CSMD1: variants seen among roughly 807,000 people sequenced by gnomAD.
CSMD1 encodes the protein CUB and sushi domain-containing protein 1.
CSMD1 carries 213 observed loss-of-function variants against 417.5 expected under a neutral mutation model. The observed-to-expected ratio is 0.51, with a 90% CI of 0.46 to 0.57. The LOEUF is 0.57. Ranked by LOEUF, CSMD1 falls within the 20% of genes least tolerant of loss-of-function variation. CSMD1 has a pLI of 0.00. For synonymous variants in CSMD1, 2,862 were observed against 1,736.8 expected (o/e 1.65, Z -16.11); for missense variants, 6,923 against 4,529.7 (o/e 1.53, Z -15.17).
intron 10 of CSMD1, among the ~76,000 whole-genome samples, chr8:3,515,095 A>T (rs1433158907): frequency 1.3e-5 from 2 of 152,218 alleles, no homozygotes; most frequent in African/African-American, 2.4e-5. Flanking sequence ...AACATTTTAC[A>T]CATTTAAAAA....
intron 2 of CSMD1, among the ~76,000 whole-genome samples, chr8:4,454,261 A>G (rs989024713): frequency 1.8e-4 from 28 of 152,030 alleles, no homozygotes; most frequent in African/African-American, 6.5e-4. Context: ...ACCGCCTCTC[A>G]CTGCCTAACT....
At chr8:3,358,889 T>C (rs1279064543) in intron 21 of CSMD1, among the ~76,000 whole-genome samples, 8 of 152,172 alleles carry the variant, frequency 5.3e-5, no homozygotes, top group African/African-American at 1.9e-4. Context: ...CCTTCATAAA[T>C]ATGCTTGACA....
chr8:3,990,930 T>C (rs1266543793), intron 5 of CSMD1, among the ~76,000 whole-genome samples: 1 of 152,160 alleles, frequency 6.6e-6, no homozygotes, highest in Non-Finnish European at 1.5e-5. Context: ...CACTGCCTGG[T>C]GAAAGCATCA....
chr8:4,544,420 A>G (rs1329950064), intron 2 of CSMD1, among the ~76,000 whole-genome samples: 2 of 152,126 alleles, frequency 1.3e-5, no homozygotes, highest in Non-Finnish European at 2.9e-5. Flanking sequence ...TACAGTAGTT[A>G]TAAAATTTTG....
chr8:4,210,509 T>C (rs575482474), intron 3 of CSMD1, among the ~76,000 whole-genome samples: 2 of 152,184 alleles, frequency 1.3e-5, no homozygotes, highest in East Asian at 3.8e-4. Context: ...TCTTCTCTTA[T>C]ATCTTAGTGT....
chr8:4,072,825 A>G (rs1416341073), intron 3 of CSMD1, among the ~76,000 whole-genome samples: 2 of 152,180 alleles, frequency 1.3e-5, no homozygotes, highest in Non-Finnish European at 2.9e-5. Flanking sequence ...AGGCAGCCCA[A>G]AAGCCGTCTT....
At chr8:3,844,174 G>T (rs139912198) in intron 5 of CSMD1, among the ~76,000 whole-genome samples, 2 of 152,132 alleles carry the variant, frequency 1.3e-5, no homozygotes, top group African/African-American at 4.8e-5. Context: ...AACTTAGAAA[G>T]GCTTATTTTT....
At chr8:4,591,723 G>A (rs188661162) in intron 2 of CSMD1, among the ~76,000 whole-genome samples, 1 of 152,110 alleles carries the variant, frequency 6.6e-6, no homozygotes, top group Non-Finnish European at 1.5e-5. Flanking sequence ...TTGCAGAGAA[G>A]GTTTTAAAGC....
chr8:3,338,401 A>G (rs1235076587), intron 23 of CSMD1, among the ~76,000 whole-genome samples: 2 of 152,222 alleles, frequency 1.3e-5, no homozygotes, highest in African/African-American at 4.8e-5. Flanking sequence ...AAATTGTGTA[A>G]ATCAAAACAC....
At chr8:3,689,495 C>G (rs1052226681) in intron 7 of CSMD1, among the ~76,000 whole-genome samples, 1 of 152,172 alleles carries the variant, frequency 6.6e-6, no homozygotes, top group East Asian at 1.9e-4. Context: ...TGTTTTTATT[C>G]TCACTCTGCT....
chr8:4,742,279 C>T (rs371115497), intron 1 of CSMD1, among the ~76,000 whole-genome samples: 2 of 151,720 alleles, frequency 1.3e-5, no homozygotes, highest in South Asian at 2.1e-4. Context: ...ATCCACCCGC[C>T]TCGGCCTCCC....
chr8:3,096,228 A>C (rs1340507178), intron 47 of CSMD1, among the ~76,000 whole-genome samples: 5 of 152,184 alleles, frequency 3.3e-5, no homozygotes, highest in Admixed American at 2.6e-4. Context: ...TAACTGTTTG[A>C]AAAGTGACAA....
chr8:4,133,178 TG>T (rs1229096151), intron 3 of CSMD1, among the ~76,000 whole-genome samples: 1 of 152,164 alleles, frequency 6.6e-6, no homozygotes, highest in Non-Finnish European at 1.5e-5. Context: ...CCTTGTGATC[TG>T]CCCACCTCAT....
Position 3,107,773 on chromosome 8 carries a change from A to T in CSMD1, c.6780T>A (p.Pro2260=). Residue 2260 remains proline, a synonymous_variant, in exon 45 of 70, where the codon CCT becomes CCA. Coordinates refer to ENST00000635120, the MANE Select transcript of CSMD1 (RefSeq NM_033225.6). Reference sequence around the variant, plus strand: ...TTTCTGCCTGTGGAACCGCTGGGGGAGGTTGACATTTCTTGAGCTGAAATG... The same window carrying T: ...TTTCTGCCTGTGGAACCGCTGGGGGTGGTTGACATTTCTTGAGCTGAAATG... ...FHAFQLKKCQ[P]PPAVPQAEML... 1.3e-6 allele frequency: 2 copies of T among 1,585,450 alleles called. No individual in the cohort carries two copies. Among genetic ancestry groups the T allele is most frequent in the Middle Eastern group, 3.3e-4 (2 of 5,992 alleles).
At chr8:4,352,587 A>T (rs1052116607) in intron 3 of CSMD1, among the ~76,000 whole-genome samples, 4 of 152,216 alleles carry the variant, frequency 2.6e-5, no homozygotes, top group African/African-American at 9.7e-5. Context: ...TTCATTTTGC[A>T]AGTAGCTAAG....
At position 4,867,772 on chromosome 8, in the gene CSMD1, T is replaced by C. The variant is rs553423588; in HGVS notation, c.85+126560A>G. Reference sequence around the variant, plus strand: ...AGTTAGGTTTTTAGTAGCTTAAAGATAAGAGTGTTTTGATCCCTCTAATAA... The same window carrying C: ...AGTTAGGTTTTTAGTAGCTTAAAGACAAGAGTGTTTTGATCCCTCTAATAA... On this transcript the variant is annotated intron_variant, in intron 1 of 69. Transcript: ENST00000635120. Among the ~76,000 whole-genome samples the C allele has an allele frequency of 1.4e-3, 212 of 152,240 alleles. 4 individuals carry two copies. Among genetic ancestry groups the C allele is most frequent in the African/African-American group, 4.8e-3 (199 of 41,500 alleles).
chr8:4,148,307 G>A (rs143497713), intron 3 of CSMD1, among the ~76,000 whole-genome samples: 3 of 142,192 alleles, frequency 2.1e-5, no homozygotes, highest in Non-Finnish European at 4.5e-5. Flanking sequence ...TCATAGGTGG[G>A]AATTGAACAA....
intron 26 of CSMD1, among the ~76,000 whole-genome samples, chr8:3,271,053 T>C (rs1429789147): frequency 4.6e-5 from 7 of 151,544 alleles, no homozygotes; most frequent in Non-Finnish European, 8.8e-5. Flanking sequence ...GCAATAGGTA[T>C]ATCTCCCAAT....
chr8:4,994,441 C>G lies in CSMD1; in HGVS notation c.-25G>C, dbSNP rs1159187756. On this transcript the variant is annotated 5_prime_UTR_variant, in exon 1 of 70. Transcript: ENST00000635120. The stretch of plus-strand genomic sequence containing the variant: ...TGTCTGCAGATACTCCACACGCACG[C>G]GACACCGATGGCTCCTCCGAGGAAG... The G allele has an allele frequency of 3.1e-6, 5 of 1,597,324 alleles. No individual in the cohort carries two copies. The highest frequency in any genetic ancestry group is 4.3e-6 in the Non-Finnish European group (5 of 1,168,638).
Sources: gnomAD v4.1 joint callset for allele counts (sites outside exome capture counted in the v4.1 genomes callset) on GRCh38, gnomAD v4.1.1 for gene constraint, MANE v1.5 for transcripts, NCBI Gene and HGNC (gene_info 2026-07-23, HGNC 2026-07-21) for gene names.